NAV2: variants seen among roughly 807,000 people sequenced by gnomAD.
The protein encoded by NAV2 is neuron navigator 2, also known as helicase, APC down-regulated 1.
In NAV2, 54 loss-of-function variants were observed where a neutral mutation model predicts 223.2. The observed-to-expected ratio is 0.24, with a 90% CI of 0.19 to 0.30. NAV2 has a LOEUF of 0.30. NAV2 is among the 10% of genes least tolerant of loss of function. NAV2 has a pLI of 1.00. For synonymous variants in NAV2, 1,279 were observed against 1,239.3 expected (o/e 1.03, Z -0.67); for missense variants, 2,806 against 3,147.5 (o/e 0.89, Z 2.60).
intron 1 of NAV2, among the ~76,000 whole-genome samples, chr11:19,439,632 T>G (rs1851330812): frequency 6.6e-6 from 1 of 152,268 alleles, no homozygotes; most frequent in Non-Finnish European, 1.5e-5. Context: ...TGTGTTTATT[T>G]TCTATGTCCC....
intron 1 of NAV2, among the ~76,000 whole-genome samples, chr11:19,523,746 G>T (rs148685952): frequency 6.6e-6 from 1 of 152,118 alleles, no homozygotes; most frequent in East Asian, 1.9e-4. Context: ...TTCAGGACTC[G>T]TCACCATCTG....
chr11:19,807,312 C>A (rs191516463), intron 1 of NAV2, among the ~76,000 whole-genome samples: 396 of 152,278 alleles, frequency 2.6e-3, no homozygotes, highest in African/African-American at 8.9e-3. Flanking sequence ...TGAAAACAGC[C>A]GGCCTCCTCC....
At chr11:19,821,035 GGCAA>G (rs1372447059) in intron 1 of NAV2, among the ~76,000 whole-genome samples, 5 of 152,192 alleles carry the variant, frequency 3.3e-5, no homozygotes, top group Non-Finnish European at 7.4e-5. Context: ...GGCCGAGGCG[GGCAA>G]ATCACGAGGT....
At chr11:19,939,582 G>T (rs1229313765) in intron 7 of NAV2, 79 bp from the exon 8 acceptor site, 5 of 1,021,018 alleles carry the variant, frequency 4.9e-6, no homozygotes, top group Non-Finnish European at 7.6e-6. Context: ...GATGGTGAGG[G>T]CTGTGGTTAG....
At chr11:19,918,494 C>T (rs866293689) in intron 6 of NAV2, among the ~76,000 whole-genome samples, 1 of 152,154 alleles carries the variant, frequency 6.6e-6, no homozygotes, top group Non-Finnish European at 1.5e-5. Flanking sequence ...TCACGACGTG[C>T]AACTGAATGA....
chr11:20,043,522 T>G (rs1234108184), intron 12 of NAV2, among the ~76,000 whole-genome samples: 1 of 152,178 alleles, frequency 6.6e-6, no homozygotes, highest in Non-Finnish European at 1.5e-5. Flanking sequence ...CACGGCTTAC[T>G]GCAGCCTCCA....
intron 1 of NAV2, among the ~76,000 whole-genome samples, chr11:19,744,863 A>C (rs1390453648): frequency 6.6e-6 from 1 of 152,074 alleles, no homozygotes. Context: ...ACTGTAGACT[A>C]TTATATGGCC....
intron 1 of NAV2, among the ~76,000 whole-genome samples, chr11:19,623,762 A>G (rs2047081186): frequency 6.6e-6 from 1 of 151,990 alleles, no homozygotes; most frequent in African/African-American, 2.4e-5. Flanking sequence ...TCTTCTCTCA[A>G]CTCGTCAAAG....
chr11:20,056,031 C>T (rs1035618964), intron 19 of NAV2, 74 bp downstream of exon 19: 134 of 1,402,238 alleles, frequency 9.6e-5, no homozygotes, highest in Non-Finnish European at 1.2e-4. Context: ...TAAGGGTCCT[C>T]TATGCTAAGT....
At chr11:19,895,903 A>G (rs1458114277) in intron 6 of NAV2, among the ~76,000 whole-genome samples, 1 of 151,808 alleles carries the variant, frequency 6.6e-6, no homozygotes, top group Non-Finnish European at 1.5e-5. Context: ...GTAAGACACA[A>G]CAGGTACCTG....
intron 1 of NAV2, among the ~76,000 whole-genome samples, chr11:19,478,873 C>G (rs903166222): frequency 2.6e-5 from 4 of 152,204 alleles, no homozygotes; most frequent in African/African-American, 9.7e-5. Context: ...GAGGCTTTCC[C>G]CCTAATGAGT....
At chr11:19,492,912 G>A (rs958817922) in intron 1 of NAV2, among the ~76,000 whole-genome samples, 93 of 152,268 alleles carry the variant, frequency 6.1e-4, no homozygotes, top group Middle Eastern at 3.4e-3. Context: ...TTAGAGTTCC[G>A]GAGGTGAAGC....
chr11:20,085,124 T>C (rs750357267), intron 26 of NAV2, among the ~76,000 whole-genome samples: 21 of 151,736 alleles, frequency 1.4e-4, no homozygotes, highest in Non-Finnish European at 2.8e-4. Context: ...AGCCCAGGAA[T>C]TTGAGACTCC....
At chr11:19,748,051 C>T (rs1470523948) in intron 1 of NAV2, among the ~76,000 whole-genome samples, 2 of 152,162 alleles carry the variant, frequency 1.3e-5, no homozygotes, top group Non-Finnish European at 2.9e-5. Context: ...GAGACCTTGT[C>T]CAGGCTTTGT....
intron 6 of NAV2, among the ~76,000 whole-genome samples, chr11:19,927,689 A>G (rs936189430): frequency 2.1e-4 from 5 of 24,038 alleles, no homozygotes; most frequent in African/African-American, 7.5e-4. Context: ...TACATCTTTT[A>G]AAACAAAACA....
chr11:20,087,324 C>T (rs982408603), intron 26 of NAV2, among the ~76,000 whole-genome samples: 1 of 152,212 alleles, frequency 6.6e-6, no homozygotes, highest in Non-Finnish European at 1.5e-5. Flanking sequence ...CCTTTTCTTA[C>T]ATTCCACAGC....
At chr11:20,111,838 C>T (rs777292503) in intron 36 of NAV2, among the ~76,000 whole-genome samples, 13 of 152,202 alleles carry the variant, frequency 8.5e-5, no homozygotes, top group Non-Finnish European at 1.5e-4. Flanking sequence ...TTCTATGAAG[C>T]CCAAAAGTTC....
chr11:19,533,821 C>G (rs985766533), intron 1 of NAV2, among the ~76,000 whole-genome samples: 1 of 141,040 alleles, frequency 7.1e-6, no homozygotes, highest in Non-Finnish European at 1.5e-5. Flanking sequence ...ATTCTCCTGC[C>G]TCAGCCTCCC....
intron 1 of NAV2, among the ~76,000 whole-genome samples, chr11:19,667,997 C>A (rs750086664): frequency 6.6e-6 from 1 of 152,130 alleles, no homozygotes; most frequent in Admixed American, 6.5e-5. Context: ...CCTGTCTTAG[C>A]TAAATCCCCC....
Sources: allele counts gnomAD v4.1 joint callset (sites outside exome capture counted in the v4.1 genomes callset), GRCh38; gene constraint gnomAD v4.1.1; transcripts MANE v1.5; gene names NCBI Gene and HGNC (gene_info 2026-07-23, HGNC 2026-07-21).